Variants in FERRY3 observed in about 807,000 individuals in gnomAD.
The protein encoded by FERRY3 is protein C12orf4.
chr12:4,495,004 T>C, the FERRY3 span, among the ~76,000 whole-genome samples: 3 of 152,234 alleles, frequency 2.0e-5, no homozygotes, highest in Admixed American at 1.3e-4. Context: ...CAATGTTTTA[T>C]AGTTGCCAGA....
At chr12:4,493,445 G>C in the FERRY3 span, among the ~76,000 whole-genome samples, 115 of 152,278 alleles carry the variant, frequency 7.6e-4, 2 homozygotes, top group East Asian at 0.019. Flanking sequence ...GCCAGAAATA[G>C]GGTTTAATAG....
the FERRY3 span, among the ~76,000 whole-genome samples, chr12:4,498,220 G>A: frequency 6.6e-6 from 1 of 152,156 alleles, no homozygotes; most frequent in Non-Finnish European, 1.5e-5. Flanking sequence ...TTTTGAGGCT[G>A]TTTCCCACCT....
chr12:4,500,630 C>T, the FERRY3 span, among the ~76,000 whole-genome samples: 1 of 152,030 alleles, frequency 6.6e-6, no homozygotes, highest in Non-Finnish European at 1.5e-5. Flanking sequence ...TTTTGATGTA[C>T]ATGCCCAAGA....
At chr12:4,491,457 C>T in the FERRY3 span, among the ~76,000 whole-genome samples, 1 of 151,708 alleles carries the variant, frequency 6.6e-6, no homozygotes, top group Non-Finnish European at 1.5e-5. Flanking sequence ...CCCCTAAATA[C>T]AGTTAAAAAA....
At chr12:4,518,019 T>A in the FERRY3 span, 4 of 1,556,292 alleles carry the variant, frequency 2.6e-6, no homozygotes, top group Non-Finnish European at 3.5e-6. Context: ...TGTTACAGGA[T>A]GAAATTTAAC....
chr12:4,527,173 A>G, the FERRY3 span, among the ~76,000 whole-genome samples: 5 of 152,182 alleles, frequency 3.3e-5, no homozygotes, highest in Non-Finnish European at 5.9e-5. Context: ...GATAAAAGGT[A>G]TCATTGCCAT....
At chr12:4,518,984 A>C in the FERRY3 span, 1 of 697,838 alleles carries the variant, frequency 1.4e-6, no homozygotes. Context: ...AGTCTTGCTT[A>C]ATTTTTTCCT....
At chr12:4,493,320 T>C in the FERRY3 span, among the ~76,000 whole-genome samples, 1 of 152,278 alleles carries the variant, frequency 6.6e-6, no homozygotes, top group South Asian at 2.1e-4. Context: ...TTATTCACCC[T>C]TATTACCTTT....
chr12:4,493,728 GTGTT>G, the FERRY3 span, among the ~76,000 whole-genome samples: 1 of 152,196 alleles, frequency 6.6e-6, no homozygotes, highest in Admixed American at 6.5e-5. Context: ...GGAGGGACAA[GTGTT>G]TGGTTTTTTT....
the FERRY3 span, among the ~76,000 whole-genome samples, chr12:4,496,841 C>T: frequency 6.6e-6 from 1 of 152,166 alleles, no homozygotes; most frequent in Non-Finnish European, 1.5e-5. Flanking sequence ...AAGTATGTGC[C>T]TCTGAGGTAC....
chr12:4,518,698 T>G, the FERRY3 span: 1 of 920,100 alleles, frequency 1.1e-6, no homozygotes, highest in Middle Eastern at 3.5e-4. Context: ...TCTCTATTAT[T>G]TTAAAAAAAT....
chr12:4,535,451 T>C, the FERRY3 span, among the ~76,000 whole-genome samples: 1 of 152,270 alleles, frequency 6.6e-6, no homozygotes. The surrounding 1 kb of genome is among the most constrained non-coding windows in gnomAD (Gnocchi z 4.0). Flanking sequence ...TACAATGTGA[T>C]TGGGCTATAA....
the FERRY3 span, among the ~76,000 whole-genome samples, chr12:4,537,007 T>C: frequency 6.6e-6 from 1 of 152,194 alleles, no homozygotes; most frequent in Non-Finnish European, 1.5e-5. Flanking sequence ...TGACATTCCA[T>C]TGCTCTCAGG....
the FERRY3 span, among the ~76,000 whole-genome samples, chr12:4,504,216 G>A: frequency 2.6e-5 from 4 of 152,266 alleles, no homozygotes; most frequent in South Asian, 2.1e-4. Flanking sequence ...GAGTGACGGC[G>A]GTTTCGTGTG....
At chr12:4,500,175 A>G in the FERRY3 span, 7 of 1,613,942 alleles carry the variant, frequency 4.3e-6, no homozygotes, top group African/African-American at 5.3e-5. Flanking sequence ...AGGAATGCTT[A>G]TTGTTGTGAT....
chr12:4,532,416 G>A, the FERRY3 span, among the ~76,000 whole-genome samples: 44 of 152,150 alleles, frequency 2.9e-4, no homozygotes, highest in Non-Finnish European at 5.7e-4. Context: ...TTGCCTCCTC[G>A]CAACATATTT....
chr12:4,494,110 A>G, the FERRY3 span, among the ~76,000 whole-genome samples: 1 of 152,128 alleles, frequency 6.6e-6, no homozygotes, highest in Non-Finnish European at 1.5e-5. Flanking sequence ...AAATAAATAA[A>G]TAAATGTCTA....
chr12:4,495,323 T>C, the FERRY3 span, among the ~76,000 whole-genome samples: 5 of 152,226 alleles, frequency 3.3e-5, no homozygotes, highest in Non-Finnish European at 7.3e-5. Flanking sequence ...TGAAATACTA[T>C]GATAGTAATC....
the FERRY3 span, among the ~76,000 whole-genome samples, chr12:4,528,050 T>C: frequency 9.2e-5 from 14 of 152,276 alleles, no homozygotes; most frequent in East Asian, 2.5e-3. Flanking sequence ...TGGCTAGATA[T>C]ATAGTTTTCT....
Sources: allele counts gnomAD v4.1 joint callset (sites outside exome capture counted in the v4.1 genomes callset), GRCh38; gene constraint gnomAD v4.1.1; non-coding constraint Gnocchi (gnomAD v3.1); transcripts MANE v1.5; gene names NCBI Gene and HGNC (gene_info 2026-07-23, HGNC 2026-07-21).